SMYD3: variants seen among roughly 807,000 people sequenced by gnomAD.
SMYD3 encodes SET and MYND domain containing 3, also known as histone-lysine N-methyltransferase SMYD3.
SMYD3 carries 36 observed loss-of-function variants against 57.7 expected under a neutral mutation model. The ratio of observed to expected loss-of-function variants is 0.62; its 90% confidence interval spans 0.48 to 0.82. SMYD3 has a LOEUF of 0.82. SMYD3 is among the 40% of genes least tolerant of loss of function. SMYD3 has a pLI of 0.00. For missense variants in SMYD3, 515 were observed against 538.8 expected, an observed-to-expected ratio of 0.96 and a Z score of 0.44; for synonymous variants, 211 against 195.0, an observed-to-expected ratio of 1.08 and a Z score of -0.68.
intron 5 of SMYD3, among the ~76,000 whole-genome samples, chr1:246,164,203 C>T (rs1283369664): frequency 6.6e-6 from 1 of 152,130 alleles, no homozygotes; most frequent in Admixed American, 6.5e-5. Context: ...GGCAGATTGC[C>T]TGAGGTCAGG....
At chr1:245,837,252 G>A (rs1051693658) in intron 10 of SMYD3, among the ~76,000 whole-genome samples, 3 of 137,590 alleles carry the variant, frequency 2.2e-5, no homozygotes, top group African/African-American at 8.0e-5. Context: ...AAAAAAAAAA[G>A]AAGAAGAAGA....
chr1:245,972,959 C>T (rs2058338626), intron 5 of SMYD3, among the ~76,000 whole-genome samples: 1 of 152,172 alleles, frequency 6.6e-6, no homozygotes, highest in South Asian at 2.1e-4. Context: ...CAGTGTTTTT[C>T]CCACCTATTA....
intron 8 of SMYD3, among the ~76,000 whole-genome samples, chr1:245,869,494 C>G (rs1224331856): frequency 2.6e-5 from 4 of 152,236 alleles, no homozygotes; most frequent in Admixed American, 2.6e-4. Context: ...TTAGCTCCAT[C>G]TCTGGTGACT....
chr1:245,858,595 T>C lies in SMYD3; in HGVS notation c.977A>G (p.Tyr326Cys), dbSNP rs1300439665. 7 of 1,614,108 alleles carry C rather than the reference T, an allele frequency of 4.3e-6. No homozygotes were observed. Among genetic ancestry groups the C allele is most frequent in the African/African-American group, 1.3e-5 (1 of 74,944 alleles). Residue 326 changes from tyrosine (Y) to cysteine (C), a missense_variant, in exon 10 of 12, where the codon TAC (tyrosine) becomes TGC (cysteine). Tyr to Cys is a radical substitution (Grantham distance 194, BLOSUM62 -2). Coordinates refer to ENST00000490107, the MANE Select transcript of SMYD3 (RefSeq NM_001167740.2). ...NSERLPDINI[Y>C]QLKVLDCAMD... The stretch of plus-strand genomic sequence containing the variant: ...GGCGCAGTCGAGCACCTTCAGCTGG[T>C]AGATGTTGATATCGGGAAGCCGTTC...
chr1:246,497,841 G>T (rs981188788), intron 1 of SMYD3, among the ~76,000 whole-genome samples: 7 of 151,510 alleles, frequency 4.6e-5, no homozygotes, highest in Non-Finnish European at 1.0e-4. Context: ...ATTACAGCCT[G>T]GGTAACACAG....
At chr1:246,124,525 A>G (rs2061475728) in intron 5 of SMYD3, among the ~76,000 whole-genome samples, 6 of 152,234 alleles carry the variant, frequency 3.9e-5, no homozygotes, top group Admixed American at 3.9e-4. Flanking sequence ...ACTTCCTAAC[A>G]TGTACCCATC....
chr1:246,046,912 T>G (rs1366294978), intron 5 of SMYD3, among the ~76,000 whole-genome samples: 1 of 151,744 alleles, frequency 6.6e-6, no homozygotes, highest in Non-Finnish European at 1.5e-5. Context: ...AAGTAGCAAC[T>G]TATATCAAAT....
intron 5 of SMYD3, among the ~76,000 whole-genome samples, chr1:245,940,336 G>C (rs1326115718): frequency 6.6e-6 from 1 of 152,090 alleles, no homozygotes; most frequent in Non-Finnish European, 1.5e-5. Context: ...GACTGGGTGA[G>C]ACCTCCCAAC....
chr1:246,059,260 T>G (rs1405100996), intron 5 of SMYD3, among the ~76,000 whole-genome samples: 1 of 152,094 alleles, frequency 6.6e-6, no homozygotes, highest in East Asian at 1.9e-4. Flanking sequence ...GGTCTGATGT[T>G]ACAGCCAACT....
chr1:246,464,080 T>C (rs948408857), intron 1 of SMYD3, among the ~76,000 whole-genome samples: 2 of 152,054 alleles, frequency 1.3e-5, no homozygotes, highest in African/African-American at 4.8e-5. Context: ...AATTTGGTTA[T>C]GAAGAAGAGA....
chr1:246,444,036 C>T (rs1370266927), intron 1 of SMYD3, among the ~76,000 whole-genome samples: 1 of 152,110 alleles, frequency 6.6e-6, no homozygotes, highest in Non-Finnish European at 1.5e-5. Flanking sequence ...TGGAGTCCTG[C>T]CATGGGTTTG....
intron 1 of SMYD3, among the ~76,000 whole-genome samples, chr1:246,381,780 A>C (rs2066389845): frequency 6.6e-6 from 1 of 152,220 alleles, no homozygotes; most frequent in South Asian, 2.1e-4. Context: ...AAATCAAAGC[A>C]GCCCCTGCAG....
intron 5 of SMYD3, among the ~76,000 whole-genome samples, chr1:246,049,363 C>A (rs1214774653): frequency 6.6e-6 from 1 of 152,140 alleles, no homozygotes; most frequent in Non-Finnish European, 1.5e-5. Context: ...GGGGTGCAAC[C>A]TCAGCTCACT....
chr1:246,214,768 CAG>C (rs1436328631), intron 5 of SMYD3, among the ~76,000 whole-genome samples: 2 of 152,180 alleles, frequency 1.3e-5, no homozygotes, highest in East Asian at 3.9e-4. Flanking sequence ...AATCAAGAAA[CAG>C]AATCTTCTGA....
At chr1:246,257,930 T>C (rs778623108) in intron 5 of SMYD3, among the ~76,000 whole-genome samples, 9 of 152,180 alleles carry the variant, frequency 5.9e-5, no homozygotes, top group Non-Finnish European at 1.3e-4. Context: ...CTGGCATGAG[T>C]AAAAGTTCCT....
At chr1:246,422,548 C>T (rs2067159096) in intron 1 of SMYD3, among the ~76,000 whole-genome samples, 2 of 152,074 alleles carry the variant, frequency 1.3e-5, no homozygotes. Flanking sequence ...CCTCAGCCTC[C>T]TGAGCAGCTG....
At chr1:246,506,987 A>AAGCCCCCCCCC in intron 1 of SMYD3, 67 bp downstream of exon 1, 1 of 634,740 alleles carries the variant, frequency 1.6e-6, no homozygotes, top group Non-Finnish European at 2.2e-6. Flanking sequence ...CGGCCGCCCG[A>AAGCCCCCCCCC]CGCCCCCCCC....
At chr1:245,754,356 T>C (rs1166069830) in intron 11 of SMYD3, among the ~76,000 whole-genome samples, 2 of 152,102 alleles carry the variant, frequency 1.3e-5, no homozygotes, top group African/African-American at 4.8e-5. Flanking sequence ...GATTTAAATA[T>C]GGATATAAAA....
chr1:246,225,806 TAAC>T (rs371276969), intron 5 of SMYD3, among the ~76,000 whole-genome samples: 103 of 152,340 alleles, frequency 6.8e-4, no homozygotes, highest in Middle Eastern at 3.4e-3. Context: ...GAGGGATTCG[TAAC>T]AACTATATTC....
Sources: allele counts gnomAD v4.1 joint callset (sites outside exome capture counted in the v4.1 genomes callset), GRCh38; gene constraint gnomAD v4.1.1; transcripts MANE v1.5; gene names NCBI Gene and HGNC (gene_info 2026-07-23, HGNC 2026-07-21).